The following UBE3D variants were observed in gnomAD, a reference collection of about 807,000 sequenced individuals.
UBE3D encodes the protein E3 ubiquitin-protein ligase E3D.
UBE3D carries 48 observed loss-of-function variants against 49.6 expected under a neutral mutation model. That is an observed-to-expected ratio of 0.97 (90% CI 0.77 to 1.23). UBE3D has a LOEUF of 1.23. UBE3D is among the 50% of genes most tolerant of loss of function. The probability of loss-of-function intolerance (pLI) is 0.00; values close to 1 mark genes in which losing one functional copy is unlikely to be tolerated. For missense variants in UBE3D, 452 were observed against 468.4 expected (o/e 0.96, Z 0.32); for synonymous variants, 189 against 174.2 (o/e 1.08, Z -0.67).
At chr6:82,918,395 A>G (rs1445553744) in intron 9 of UBE3D, among the ~76,000 whole-genome samples, 1 of 152,162 alleles carries the variant, frequency 6.6e-6, no homozygotes, top group Non-Finnish European at 1.5e-5. Context: ...ATGACTTATT[A>G]TAAAGGTACA....
At chr6:82,953,023 T>C (rs1052635764) in intron 9 of UBE3D, among the ~76,000 whole-genome samples, 1 of 152,224 alleles carries the variant, frequency 6.6e-6, no homozygotes, top group Admixed American at 6.5e-5. Context: ...TTACCTATAT[T>C]TAAAGCTGCC....
At chr6:82,881,062 G>A in the UBE3D span, among the ~76,000 whole-genome samples, 1 of 152,120 alleles carries the variant, frequency 6.6e-6, no homozygotes, top group African/African-American at 2.4e-5. Context: ...CCATCTCATT[G>A]AGGGTTCAGA....
At chr6:82,963,922 T>C (rs1304405007) in intron 8 of UBE3D, among the ~76,000 whole-genome samples, 2 of 152,226 alleles carry the variant, frequency 1.3e-5, no homozygotes, top group Non-Finnish European at 2.9e-5. Context: ...CACAGACTAT[T>C]GGACCTAAAT....
the UBE3D span, among the ~76,000 whole-genome samples, chr6:82,883,748 C>T: frequency 6.6e-6 from 1 of 151,980 alleles, no homozygotes; most frequent in Non-Finnish European, 1.5e-5. Context: ...AGCCATAGTC[C>T]CAAACTTAAA....
At chr6:82,887,398 T>TGTTTTGTTTTTTTTTG (rs1562053903), downstream of UBE3D, among the ~76,000 whole-genome samples, 4 of 145,556 alleles carry the variant, frequency 2.7e-5, no homozygotes, top group African/African-American at 1.0e-4. Context: ...AGTTTTTTTT[T>TGTTTTGTTTTTTTTTG]TTTTTTTTTT....
chr6:82,887,392 T>G (rs1455883358), downstream of UBE3D, among the ~76,000 whole-genome samples: 4 of 136,562 alleles, frequency 2.9e-5, no homozygotes, highest in Admixed American at 2.3e-4. Context: ...AGTAACAGTT[T>G]TTTTTTTTTT....
intron 6 of UBE3D, among the ~76,000 whole-genome samples, chr6:83,023,541 T>C (rs1008051549): frequency 3.3e-5 from 5 of 152,234 alleles, no homozygotes; most frequent in Admixed American, 3.3e-4. Flanking sequence ...TGCCATGGAA[T>C]ACTACTTAGC....
At chr6:82,881,306 A>C in the UBE3D span, among the ~76,000 whole-genome samples, 1 of 152,288 alleles carries the variant, frequency 6.6e-6, no homozygotes, top group South Asian at 2.1e-4. Flanking sequence ...GACTTTGGTA[A>C]GTTGGTAGTT....
intron 9 of UBE3D, among the ~76,000 whole-genome samples, chr6:82,909,057 G>A (rs375135136): frequency 2.0e-5 from 3 of 152,310 alleles, no homozygotes; most frequent in East Asian, 3.9e-4. Flanking sequence ...AGTGTGGCAA[G>A]TGTGCAGGTG....
intron 9 of UBE3D, among the ~76,000 whole-genome samples, chr6:82,919,796 A>C (rs1012868328): frequency 6.6e-6 from 1 of 152,016 alleles, no homozygotes; most frequent in Non-Finnish European, 1.5e-5. Context: ...TCTTCCCAGC[A>C]ATCTTTTTTC....
At chr6:82,989,648 G>A (rs577421175) in intron 8 of UBE3D, among the ~76,000 whole-genome samples, 16 of 152,044 alleles carry the variant, frequency 1.1e-4, no homozygotes, top group Non-Finnish European at 2.4e-4. Flanking sequence ...GCGAGGTCCC[G>A]GATTTGTCTT....
intron 9 of UBE3D, among the ~76,000 whole-genome samples, chr6:82,905,359 G>A (rs753387385): frequency 6.6e-6 from 1 of 151,992 alleles, no homozygotes; most frequent in Non-Finnish European, 1.5e-5. Flanking sequence ...GGTGATCTAT[G>A]ATCAGTGATC....
chr6:83,027,728 A>C (rs1192359972), intron 5 of UBE3D, among the ~76,000 whole-genome samples: 1 of 152,144 alleles, frequency 6.6e-6, no homozygotes, highest in Non-Finnish European at 1.5e-5. Context: ...CATGTGTCTA[A>C]GTATGGATTT....
At chr6:83,038,060 A>AG (rs889237155) in intron 5 of UBE3D, 164 of 154,628 alleles carry the variant, frequency 1.1e-3, no homozygotes, top group African/African-American at 3.9e-3. Flanking sequence ...ATTAAAAAAA[A>AG]AAAAAAAAGA....
At chr6:82,946,866 G>A (rs1458997387) in intron 9 of UBE3D, among the ~76,000 whole-genome samples, 1 of 151,220 alleles carries the variant, frequency 6.6e-6, no homozygotes, top group African/African-American at 2.4e-5. Flanking sequence ...TGAATTATAA[G>A]ATAGTTTTTG....
At chr6:82,925,379 C>T (rs1401865847) in intron 9 of UBE3D, among the ~76,000 whole-genome samples, 1 of 152,152 alleles carries the variant, frequency 6.6e-6, no homozygotes, top group Non-Finnish European at 1.5e-5. Flanking sequence ...TCCTTACTGA[C>T]CCGACTTCTT....
Position 83,018,981 on chromosome 6 carries a change from C to T in UBE3D, c.1002G>A (p.Arg334=), listed in dbSNP as rs1383024436. Residue 334 remains arginine (R), a synonymous_variant, in exon 8 of 10, where the codon AGG becomes AGA. Coordinates refer to ENST00000369747, the MANE Select transcript of UBE3D (RefSeq NM_198920.3). ...ACAAATGCACAACTTACTTTTCATT[C>T]CTGCTTTTGATGCATGGCTGGTAGA... is the stretch of plus-strand genomic sequence containing the variant. The part of the protein sequence containing the change: ...KVLYQPCIKS[R]NEKLVSLWES... 1 of 1,612,170 alleles carries T rather than the reference C, an allele frequency of 6.2e-7. No individual in the cohort carries two copies. Among genetic ancestry groups the T allele is most frequent in the Admixed American group, 1.7e-5 (1 of 59,460 alleles).
intron 9 of UBE3D, among the ~76,000 whole-genome samples, chr6:82,954,522 T>G (rs936031417): frequency 6.6e-6 from 1 of 152,108 alleles, no homozygotes; most frequent in Non-Finnish European, 1.5e-5. Flanking sequence ...AATCCTAAAA[T>G]GACAGCTTTA....
intron 9 of UBE3D, among the ~76,000 whole-genome samples, chr6:82,921,099 G>A (rs1242600311): frequency 1.3e-5 from 2 of 151,962 alleles, no homozygotes; most frequent in African/African-American, 4.8e-5. Context: ...GGGGCTACAG[G>A]TGCCCACCAC....
Sources: allele counts gnomAD v4.1 joint callset (sites outside exome capture counted in the v4.1 genomes callset), GRCh38; gene constraint gnomAD v4.1.1; transcripts MANE v1.5; gene names NCBI Gene and HGNC (gene_info 2026-07-23, HGNC 2026-07-21).